The following MALRD1 variants were observed in gnomAD, a reference collection of about 807,000 sequenced individuals.
MALRD1 encodes the protein MAM and LDL-receptor class A domain-containing protein 1.
A neutral mutation model predicts 242.1 loss-of-function variants in MALRD1; 247 were observed. That is an observed-to-expected ratio of 1.02 (90% confidence interval 0.92 to 1.13). MALRD1 has a LOEUF of 1.13. MALRD1 is among the 50% of genes most tolerant of loss of function. The pLI, the probability that MALRD1 is intolerant of heterozygous loss-of-function variation, is 0.00. For missense variants in MALRD1, 2,989 were observed against 2,533.1 expected (o/e 1.18, Z -3.86); for synonymous variants, 995 against 866.6 (o/e 1.15, Z -2.60).
chr10:19,423,667 T>G (rs76812860), intron 28 of MALRD1, among the ~76,000 whole-genome samples: 7,273 of 152,130 alleles, frequency 0.048, 519 homozygotes, highest in African/African-American at 0.16. Context: ...CCATTCAGCT[T>G]CCAGGAATGG....
intron 1 of MALRD1, among the ~76,000 whole-genome samples, chr10:19,053,799 A>T (rs1368941854): frequency 5.9e-5 from 1 of 16,808 alleles, no homozygotes; most frequent in Non-Finnish European, 1.0e-4. Flanking sequence ...TCAATATAAT[A>T]AAAAAAAACC....
intron 22 of MALRD1, among the ~76,000 whole-genome samples, chr10:19,327,006 G>A (rs1409176672): frequency 2.6e-5 from 4 of 151,996 alleles, no homozygotes; most frequent in African/African-American, 7.2e-5. Flanking sequence ...TACATTGGGG[G>A]TACAGTACTG....
chr10:19,230,359 C>T (rs1277895115), intron 18 of MALRD1, among the ~76,000 whole-genome samples: 1 of 151,854 alleles, frequency 6.6e-6, no homozygotes, highest in Non-Finnish European at 1.5e-5. Context: ...GCAGGCTGTA[C>T]ATGAAGCATA....
rs563687949 is a variant in MALRD1, at chr10:19,656,993, A to G, written c.6138-35289A>G. Among the ~76,000 whole-genome samples, 71 of 152,310 alleles carry G rather than the reference A, an allele frequency of 4.7e-4. 2 individuals are homozygous for G. The highest frequency in any genetic ancestry group is 3.9e-3 in the South Asian group (19 of 4,830). ...GCTACTAAATCAATGTATTGCACCA[A>G]TGTAGATACGGATCGAATAATATTT... is the stretch of plus-strand genomic sequence containing the variant. On this transcript the variant is annotated intron_variant, in intron 36 of 39. Coordinates refer to ENST00000454679, the MANE Select transcript of MALRD1 (RefSeq NM_001142308.3).
intron 27 of MALRD1, 122 bp downstream of exon 27, chr10:19,387,895 A>T: frequency 7.9e-7 from 1 of 1,262,546 alleles, no homozygotes; most frequent in East Asian, 2.5e-5. Flanking sequence ...CAAGGCGATC[A>T]AACATTTAGT....
chr10:19,488,922 C>A, intron 29 of MALRD1: 1 of 375,456 alleles, frequency 2.7e-6, no homozygotes, highest in Non-Finnish European at 5.4e-6. Flanking sequence ...TGGGTTATTA[C>A]ATGGGTTATT....
chr10:19,476,438 C>T (rs1836734783), intron 29 of MALRD1, among the ~76,000 whole-genome samples: 1 of 152,064 alleles, frequency 6.6e-6, no homozygotes, highest in Non-Finnish European at 1.5e-5. Flanking sequence ...GGGGTGTGTC[C>T]AGCTAAGAAG....
At chr10:19,325,194 A>G (rs1843074050) in intron 22 of MALRD1, among the ~76,000 whole-genome samples, 1 of 151,678 alleles carries the variant, frequency 6.6e-6, no homozygotes, top group Non-Finnish European at 1.5e-5. Flanking sequence ...TTTCTATTTT[A>G]GTCAATGTAT....
chr10:19,386,816 T>C (rs892424650), intron 26 of MALRD1, among the ~76,000 whole-genome samples: 4 of 152,110 alleles, frequency 2.6e-5, no homozygotes, highest in East Asian at 1.9e-4. Context: ...GAAACTAAAA[T>C]GTATCAAATG....
At chr10:19,379,727 C>T (rs1385633447) in intron 26 of MALRD1, among the ~76,000 whole-genome samples, 4 of 152,070 alleles carry the variant, frequency 2.6e-5, no homozygotes, top group South Asian at 2.1e-4. Context: ...CTATTTCACA[C>T]GTCCTTGAAA....
chr10:19,712,822 TAGAAGAGATAGCCAG>T (rs1224298459), intron 38 of MALRD1, among the ~76,000 whole-genome samples: 22 of 152,264 alleles, frequency 1.4e-4, no homozygotes, highest in African/African-American at 5.1e-4. Context: ...AGACTATTTT[TAGAAGAGATAGCCAG>T]CAAAAGCATG....
intron 32 of MALRD1, among the ~76,000 whole-genome samples, chr10:19,542,936 C>G (rs1218903753): frequency 1.3e-5 from 2 of 152,088 alleles, no homozygotes; most frequent in Non-Finnish European, 2.9e-5. Context: ...GGAATTACAA[C>G]TTTTATCAAC....
chr10:19,389,677 T>G, intron 28 of MALRD1, 68 bp downstream of exon 28: 1 of 1,452,576 alleles, frequency 6.9e-7, no homozygotes, highest in Non-Finnish European at 9.2e-7. Context: ...TCTTGCTCTG[T>G]CACTCAGGCT....
At chr10:19,098,226 T>G (rs1588539393) in intron 4 of MALRD1, among the ~76,000 whole-genome samples, 1 of 152,220 alleles carries the variant, frequency 6.6e-6, no homozygotes, top group Non-Finnish European at 1.5e-5. Context: ...TATCACTGAC[T>G]ATAATTTTCA....
At chr10:19,579,292 T>C (rs1047643665) in intron 33 of MALRD1, among the ~76,000 whole-genome samples, 13 of 152,196 alleles carry the variant, frequency 8.5e-5, no homozygotes, top group African/African-American at 3.1e-4. Context: ...AATGCCCATG[T>C]CACTAAATGA....
rs1312356343 is a variant in MALRD1, at chr10:19,283,866, G to A, written c.3419+685G>A. Among the ~76,000 whole-genome samples, 7 of 152,304 alleles carry A rather than the reference G, an allele frequency of 4.6e-5. No individual in the cohort carries two copies. The East Asian group carries it at 9.6e-4, about 21-fold the overall frequency. Reference sequence around the variant, plus strand: ...AAGAAATAGAGTGCCTACTGTGTGAGAACGCTGCGGTAGGCACTAGAAATA... The same window carrying A: ...AAGAAATAGAGTGCCTACTGTGTGAAAACGCTGCGGTAGGCACTAGAAATA... On this transcript the variant is annotated intron_variant, in intron 21 of 39. Coordinates refer to ENST00000454679, the MANE Select transcript of MALRD1 (RefSeq NM_001142308.3).
chr10:19,508,482 T>G (rs901674576), intron 31 of MALRD1, among the ~76,000 whole-genome samples: 3 of 152,232 alleles, frequency 2.0e-5, no homozygotes, highest in Admixed American at 6.5e-5. Flanking sequence ...CCAAATTTTC[T>G]GACTCAAAAC....
intron 5 of MALRD1, among the ~76,000 whole-genome samples, chr10:19,110,633 G>T (rs1440865906): frequency 6.6e-6 from 1 of 152,114 alleles, no homozygotes; most frequent in African/African-American, 2.4e-5. Flanking sequence ...ACTGCTGACT[G>T]CTTTGTTATT....
At chr10:19,457,002 G>A (rs1835694933) in intron 29 of MALRD1, among the ~76,000 whole-genome samples, 1 of 151,992 alleles carries the variant, frequency 6.6e-6, no homozygotes, top group African/African-American at 2.4e-5. Context: ...GGATTTAAAA[G>A]TTACTATATG....
Sources: gnomAD v4.1 joint callset for allele counts (sites outside exome capture counted in the v4.1 genomes callset) on GRCh38, gnomAD v4.1.1 for gene constraint, MANE v1.5 for transcripts, NCBI Gene and HGNC (gene_info 2026-07-23, HGNC 2026-07-21) for gene names.